OTUB1: variants seen among roughly 807,000 people sequenced by gnomAD.
The protein encoded by OTUB1 is OTU deubiquitinase, ubiquitin aldehyde binding 1.
Under a neutral mutation model 35.8 loss-of-function variants are expected in OTUB1, and 10 were observed. That is an observed-to-expected ratio of 0.28 (90% CI 0.17 to 0.47). The LOEUF (loss-of-function observed/expected upper bound fraction) is 0.47, where lower values mean the gene tolerates loss of function less well. Ranked by LOEUF, OTUB1 falls within the 20% of genes least tolerant of loss-of-function variation. The probability of loss-of-function intolerance (pLI) is 0.99; values close to 1 mark genes in which losing one functional copy is unlikely to be tolerated. For missense variants in OTUB1, 264 were observed against 351.6 expected (o/e 0.75, Z 1.99); for synonymous variants, 158 against 143.8 (o/e 1.10, Z -0.71).
chr11:63,991,711 G>C (rs1412835423), intron 3 of OTUB1, among the ~76,000 whole-genome samples: 1 of 152,192 alleles, frequency 6.6e-6, no homozygotes, highest in African/African-American at 2.4e-5. Flanking sequence ...GTGGTGATTT[G>C]GGTTCTTTGT....
chr11:63,986,949 A>C, intron 1 of OTUB1: 1 of 169,550 alleles, frequency 5.9e-6, no homozygotes, highest in Non-Finnish European at 1.3e-5. Context: ...CGGAGCACAA[A>C]GGTCCGGGCG....
At chr11:63,993,962 A>T (rs1228759648) in intron 3 of OTUB1, among the ~76,000 whole-genome samples, 2 of 152,164 alleles carry the variant, frequency 1.3e-5, no homozygotes, top group Non-Finnish European at 2.9e-5. Flanking sequence ...TCCCGTCTCT[A>T]CAAAAAATAC....
rs1231967010 is a variant in OTUB1 at position 63,986,442 on chromosome 11, C to G, written c.-15C>G. The G allele has an allele frequency of 2.6e-6, 4 of 1,552,684 alleles. No homozygotes were observed. The highest frequency in any genetic ancestry group is 3.9e-5 in the Admixed American group (2 of 51,172). On this transcript the variant is annotated 5_prime_UTR_variant, in exon 1 of 7. Transcript: ENST00000538426. ...GGCAACCCGGAAGCGGTCGGTAGTG[C>G]GGCGCTGTTTAAAGATGGCGGCGGA...
At chr11:63,995,922 G>A (rs977004133) in intron 3 of OTUB1, among the ~76,000 whole-genome samples, 4 of 152,066 alleles carry the variant, frequency 2.6e-5, no homozygotes, top group South Asian at 4.1e-4. Context: ...CAGGGGAATC[G>A]TTTGAACCCG....
chr11:63,988,736 A>T lies in OTUB1; in HGVS notation c.203A>T (p.Tyr68Phe). The T allele has an allele frequency of 6.2e-7, 1 of 1,611,592 alleles. No homozygotes were observed. The highest frequency in any genetic ancestry group is 8.5e-7 in the Non-Finnish European group (1 of 1,178,240). Reference protein sequence around the residue: ...YKEYAEDDNIYQQKIKDLHKK... With the variant: ...YKEYAEDDNIFQQKIKDLHKK... Reference sequence around the variant, plus strand: ...GAGTATGCTGAAGATGACAACATCTATCAACAGAAGATCAAGGTGGGAGCC... The same window carrying T: ...GAGTATGCTGAAGATGACAACATCTTTCAACAGAAGATCAAGGTGGGAGCC... The change falls in exon 3 of 7, where the codon TAT becomes TTT. Residue 68 changes from tyrosine to phenylalanine, a missense_variant. Tyr to Phe is a conservative substitution (Grantham distance 22, BLOSUM62 3). Transcript: ENST00000538426.
Position 63,998,094 on chromosome 11 carries a change from C to A in OTUB1, c.*548C>A. On this transcript the variant is annotated 3_prime_UTR_variant, in exon 7 of 7. Coordinates refer to ENST00000538426, the MANE Select transcript of OTUB1 (RefSeq NM_017670.3). Reference sequence around the variant, plus strand: ...GGCCTTTGTGAGGCTGGACCCGGCTCAGGGCAGGTGGAGGAGCTGGGCCTC... The same window carrying A: ...GGCCTTTGTGAGGCTGGACCCGGCTAAGGGCAGGTGGAGGAGCTGGGCCTC... The A allele has an allele frequency of 2.7e-6, 1 of 369,564 alleles. No individual in the cohort carries two copies. Among genetic ancestry groups the A allele is most frequent in the Non-Finnish European group, 5.0e-6 (1 of 199,286 alleles). 22.9% of individuals were successfully genotyped at this position (369,564 alleles called of 1,614,324 possible).
chr11:63,988,791 G>A, intron 3 of OTUB1, 39 bp downstream of exon 3: 2 of 1,369,576 alleles, frequency 1.5e-6, no homozygotes, highest in Non-Finnish European at 2.1e-6. Context: ...GCACCCTGGG[G>A]GTGGGGCAGG....
intron 3 of OTUB1, among the ~76,000 whole-genome samples, chr11:63,991,634 C>T (rs1194776221): frequency 6.6e-6 from 1 of 152,190 alleles, no homozygotes; most frequent in Non-Finnish European, 1.5e-5. Flanking sequence ...GACGTTTATT[C>T]GCCCTGTGCC....
rs796985558 is a variant in OTUB1, at chr11:63,987,923, G to A, written c.59-414G>A. On this transcript the variant is annotated intron_variant, in intron 1 of 6. Coordinates refer to ENST00000538426, the MANE Select transcript of OTUB1 (RefSeq NM_017670.3). ...GAGCGCACCTTAGGGATACCACGGT[G>A]CACCTCTGCCCCTTCATTTTAAAGA... Among the ~76,000 whole-genome samples, 116 of 152,256 alleles carry A rather than the reference G, an allele frequency of 7.6e-4. 1 individual carries two copies. The highest frequency in any genetic ancestry group is 2.7e-3 in the African/African-American group (111 of 41,552).
chr11:63,992,438 T>G (rs1590780206), intron 3 of OTUB1, among the ~76,000 whole-genome samples: 1 of 5,366 alleles, frequency 1.9e-4, no homozygotes. Flanking sequence ...AATGAGGGGT[T>G]GGGGCTGGGG....
At chr11:63,992,004 G>C (rs1208638271) in intron 3 of OTUB1, among the ~76,000 whole-genome samples, 1 of 152,160 alleles carries the variant, frequency 6.6e-6, no homozygotes, top group East Asian at 1.9e-4. Context: ...GATCACCTGA[G>C]GTCAGGAGTT....
chr11:63,995,973 C>T (rs949684538), intron 3 of OTUB1, among the ~76,000 whole-genome samples: 2 of 152,060 alleles, frequency 1.3e-5, no homozygotes, highest in African/African-American at 4.8e-5. Context: ...CGCCACTGCA[C>T]TCCAGCCTGG....
intron 3 of OTUB1, among the ~76,000 whole-genome samples, chr11:63,993,778 T>TC (rs1368987142): frequency 6.6e-6 from 1 of 151,694 alleles, no homozygotes. Context: ...AACTTGATCC[T>TC]CCCCCCTTGG....
At position 63,998,113 on chromosome 11, in the gene OTUB1, G is replaced by GATAC; in HGVS notation, c.*567_*568insATAC. 1 of 335,308 alleles carries GATAC rather than the reference G, an allele frequency of 3.0e-6. No homozygotes were observed. The highest frequency in any genetic ancestry group is 5.6e-6 in the Non-Finnish European group (1 of 178,806). 20.8% of individuals were successfully genotyped at this position (335,308 alleles called of 1,614,324 possible). A position where few individuals can be genotyped will look rare whatever the true frequency, so the allele number is the denominator to read the frequency against. On this transcript the variant is annotated 3_prime_UTR_variant, in exon 7 of 7. Coordinates refer to ENST00000538426, the MANE Select transcript of OTUB1 (RefSeq NM_017670.3). ...CCGGCTCAGGGCAGGTGGAGGAGCT[G>GATAC]GGCCTCCCACAGGGTGCCCGGGCAG...
At chr11:63,988,421 G>T (rs1434410706) in intron 2 of OTUB1, 23 bp downstream of exon 2, 6 of 1,550,832 alleles carry the variant, frequency 3.9e-6, no homozygotes, top group Non-Finnish European at 5.2e-6. Context: ...AGTGGGCGAG[G>T]GAGGCAGTGG....
At chr11:63,995,000 G>C (rs1040627673) in intron 3 of OTUB1, among the ~76,000 whole-genome samples, 2 of 152,062 alleles carry the variant, frequency 1.3e-5, no homozygotes, top group Admixed American at 6.5e-5. Flanking sequence ...CAGTAGGGTG[G>C]GAAAAATTGA....
In OTUB1 at chr11:63,989,073, G is replaced by A. The variant is rs200095443; in HGVS notation, c.219+321G>A. 45 of 219,302 alleles carry A rather than the reference G, an allele frequency of 2.1e-4. No homozygotes were observed. In the East Asian group the frequency reaches 3.4e-3, roughly 17 times the overall value. The allele number at this position is 219,302 out of a possible 1,614,324, so 13.6% of individuals were successfully genotyped here. ...GGTGGCTCACGCCTGTAATCCCAGC[G>A]CTTTGGGAGGCCGAGGTGGGTGGAT... On this transcript the variant is annotated intron_variant, in intron 3 of 6. Coordinates refer to ENST00000538426, the MANE Select transcript of OTUB1 (RefSeq NM_017670.3).
At chr11:63,994,960 C>G (rs910813368) in intron 3 of OTUB1, among the ~76,000 whole-genome samples, 1 of 152,122 alleles carries the variant, frequency 6.6e-6, no homozygotes, top group Non-Finnish European at 1.5e-5. Context: ...AAAGAAGTAG[C>G]TGAATGTGTA....
chr11:63,997,150 T>C lies in OTUB1; in HGVS notation c.524T>C (p.Leu175Pro). The change falls in exon 6 of 7, where the codon CTG becomes CCG. Residue 175 changes from leucine (L) to proline (P), a missense_variant. By Grantham distance (98) the Leu-to-Pro change is moderately conservative. Coordinates refer to ENST00000538426, the MANE Select transcript of OTUB1 (RefSeq NM_017670.3). ...QSTSDYLVVY[L>P]RLLTSGYLQR... ...ACCTCCGACTACCTTGTGGTCTACC[T>C]GCGGCTGCTCACCTCGGGCTACCTG... is the stretch of plus-strand genomic sequence containing the variant. 6.2e-7 allele frequency: 1 copy of C among 1,614,224 alleles called. No homozygotes were observed. The highest frequency in any genetic ancestry group is 8.5e-7 in the Non-Finnish European group (1 of 1,180,018).
Sources: allele counts gnomAD v4.1 joint callset (sites outside exome capture counted in the v4.1 genomes callset), GRCh38; gene constraint gnomAD v4.1.1; transcripts MANE v1.5; gene names NCBI Gene and HGNC (gene_info 2026-07-23, HGNC 2026-07-21).